IGSF10: variants seen among roughly 807,000 people sequenced by gnomAD.
The protein encoded by IGSF10 is immunoglobulin superfamily member 10.
IGSF10 carries 126 observed loss-of-function variants against 128.2 expected under a neutral mutation model. The ratio of observed to expected loss-of-function variants is 0.98; its 90% CI spans 0.85 to 1.14. IGSF10 has a LOEUF of 1.14. Among genes scored for constraint, IGSF10 ranks in the 50% most tolerant of loss-of-function variants. The pLI is 0.00. For synonymous variants in IGSF10, 1,185 were observed against 1,146.2 expected, an observed-to-expected ratio of 1.03 and a Z score of -0.68; for missense variants, 3,295 against 3,149.8, an observed-to-expected ratio of 1.05 and a Z score of -1.10.
chr3:151,567,327 T>C, the IGSF10 span, among the ~76,000 whole-genome samples: 2 of 152,218 alleles, frequency 1.3e-5, no homozygotes, highest in Non-Finnish European at 2.9e-5. Flanking sequence ...ATTATCCATA[T>C]GAATAAATTG....
chr3:151,533,086 C>A, the IGSF10 span, among the ~76,000 whole-genome samples: 2 of 152,188 alleles, frequency 1.3e-5, no homozygotes, highest in Non-Finnish European at 2.9e-5. Context: ...GAATAAAATA[C>A]CTAGGAATAA....
At chr3:151,464,725 C>T (rs889161226), upstream of IGSF10, among the ~76,000 whole-genome samples, 3 of 152,236 alleles carry the variant, frequency 2.0e-5, no homozygotes, top group Non-Finnish European at 2.9e-5. Context: ...AAGACCTCCA[C>T]TGAGTGATTC....
chr3:151,577,875 A>C, the IGSF10 span, among the ~76,000 whole-genome samples: 1 of 152,176 alleles, frequency 6.6e-6, no homozygotes, highest in Non-Finnish European at 1.5e-5. Flanking sequence ...AAACAAGGAG[A>C]CCACCAGACA....
At chr3:151,537,334 C>G in the IGSF10 span, among the ~76,000 whole-genome samples, 1 of 152,138 alleles carries the variant, frequency 6.6e-6, no homozygotes, top group Non-Finnish European at 1.5e-5. Flanking sequence ...AGATTTGTGA[C>G]TTTCCCCTGA....
the IGSF10 span, among the ~76,000 whole-genome samples, chr3:151,488,012 T>C: frequency 6.6e-6 from 1 of 152,090 alleles, no homozygotes; most frequent in African/African-American, 2.4e-5. Context: ...AAAAGCATTT[T>C]CAGTTAGGAA....
At chr3:151,619,430 A>ATGTGTGTGTGTGTGTGTG in the IGSF10 span, among the ~76,000 whole-genome samples, 2 of 144,238 alleles carry the variant, frequency 1.4e-5, no homozygotes. Context: ...ATTACTTTTA[A>ATGTGTGTGTGTGTGTGTG]TGTGTGTGTG....
the IGSF10 span, among the ~76,000 whole-genome samples, chr3:151,568,005 T>G: frequency 1.3e-5 from 2 of 152,112 alleles, no homozygotes; most frequent in Non-Finnish European, 2.9e-5. Flanking sequence ...CCAGTACATT[T>G]TAAAACAAAG....
chr3:151,437,353 C>G lies in IGSF10; in HGVS notation c.7208G>C (p.Arg2403Pro). The change falls in exon 8 of 8, where the codon CGG (arginine) becomes CCG (proline). Residue 2403 changes from arginine to proline, a missense_variant. Arg to Pro is a moderately radical substitution (Grantham distance 103). Transcript: ENST00000282466. ...NGSFIISKTT[R>P]EDAGKYRCAA... ...ACAGCGATATTTTCCTGCATCCTCC[C>G]GAGTTGTTTTAGAAATGATAAAAGA... is the stretch of plus-strand genomic sequence containing the variant. The G allele has an allele frequency of 6.2e-7, 1 of 1,614,178 alleles. No individual in the cohort carries two copies. The highest frequency in any genetic ancestry group is 8.5e-7 in the Non-Finnish European group (1 of 1,180,032).
upstream of IGSF10, chr3:151,461,149 A>C: frequency 1.0e-6 from 1 of 985,352 alleles, no homozygotes; most frequent in Non-Finnish European, 1.2e-6. Flanking sequence ...AGAAACGACC[A>C]CCGGGCCCCT....
At chr3:151,613,415 C>G in the IGSF10 span, among the ~76,000 whole-genome samples, 1 of 151,982 alleles carries the variant, frequency 6.6e-6, no homozygotes, top group Non-Finnish European at 1.5e-5. Context: ...CGCTACCTGA[C>G]TTCAAACTAT....
the IGSF10 span, among the ~76,000 whole-genome samples, chr3:151,530,924 A>T: frequency 4.7e-5 from 7 of 148,024 alleles, no homozygotes; most frequent in African/African-American, 1.7e-4. Flanking sequence ...ACTGGTCTGC[A>T]TGCTGTATTC....
At chr3:151,463,080 T>C (rs1722123390), upstream of IGSF10, among the ~76,000 whole-genome samples, 1 of 152,240 alleles carries the variant, frequency 6.6e-6, no homozygotes, top group African/African-American at 2.4e-5. Flanking sequence ...CTAGGCTTGT[T>C]ACCTGGGGTC....
the IGSF10 span, among the ~76,000 whole-genome samples, chr3:151,565,056 C>T: frequency 2.8e-4 from 43 of 152,258 alleles, no homozygotes; most frequent in African/African-American, 1.0e-3. Context: ...TTCAGTCAGG[C>T]AATCTGGTTC....
At chr3:151,581,354 G>A in the IGSF10 span, among the ~76,000 whole-genome samples, 11 of 152,196 alleles carry the variant, frequency 7.2e-5, no homozygotes, top group African/African-American at 1.4e-4. Context: ...CAGTGATCTT[G>A]ATCAAAATGG....
At chr3:151,565,436 G>T in the IGSF10 span, among the ~76,000 whole-genome samples, 3 of 152,156 alleles carry the variant, frequency 2.0e-5, no homozygotes, top group Admixed American at 6.6e-5. Context: ...GTAAGGTCTG[G>T]TTTACTGGCA....
At chr3:151,574,501 G>A in the IGSF10 span, among the ~76,000 whole-genome samples, 7 of 151,978 alleles carry the variant, frequency 4.6e-5, no homozygotes, top group African/African-American at 1.7e-4. Context: ...TCTTCCACTG[G>A]ATTGAATCAG....
At chr3:151,461,629 A>G (rs959615700), upstream of IGSF10, 1 of 159,170 alleles carries the variant, frequency 6.3e-6, no homozygotes. Flanking sequence ...TCTTTTAGCA[A>G]GAATCCCAAA....
chr3:151,446,168 G>C lies in IGSF10; in HGVS notation c.3813C>G (p.His1271Gln), dbSNP rs137870310. 6.2e-7 allele frequency: 1 copy of C among 1,614,066 alleles called. No homozygotes were observed. Among genetic ancestry groups the C allele is most frequent in the African/African-American group, 1.3e-5 (1 of 74,926 alleles). ...QIPSNTLTTAHHTTTKTHNPG... is the reference protein window; with the variant it reads ...QIPSNTLTTAQHTTTKTHNPG... ...GATTGTGTGTTTTGGTCGTAGTGTGGTGAGCGGTAGTCAAGGTATTAGATG... is the reference window on the plus strand; with the variant it reads ...GATTGTGTGTTTTGGTCGTAGTGTGCTGAGCGGTAGTCAAGGTATTAGATG... Residue 1271 changes from histidine (H) to glutamine (Q), a missense_variant, in exon 6 of 8, where the codon CAC becomes CAG. Transcript: ENST00000282466.
chr3:151,608,329 C>T, the IGSF10 span, among the ~76,000 whole-genome samples: 14 of 152,120 alleles, frequency 9.2e-5, no homozygotes, highest in African/African-American at 1.9e-4. Context: ...GTCAGCAAAG[C>T]GGTTTGCATG....
Sources: allele counts gnomAD v4.1 joint callset (sites outside exome capture counted in the v4.1 genomes callset), GRCh38; gene constraint gnomAD v4.1.1; transcripts MANE v1.5; gene names NCBI Gene and HGNC (gene_info 2026-07-23, HGNC 2026-07-21).